The following RAB40C variants were observed in gnomAD, a reference collection of about 807,000 sequenced individuals.
RAB40C encodes the protein ras-related protein Rab-40C.
In RAB40C, 8 loss-of-function variants were observed where a neutral mutation model predicts 28.1. The observed-to-expected ratio is 0.28, with a 90% CI of 0.17 to 0.51. The LOEUF is 0.51. RAB40C is among the 20% of genes least tolerant of loss of function. RAB40C has a pLI of 0.97. For missense variants in RAB40C, 288 were observed against 405.9 expected, an observed-to-expected ratio of 0.71 and a Z score of 2.50; for synonymous variants, 201 against 171.7, an observed-to-expected ratio of 1.17 and a Z score of -1.34.
In RAB40C at chr16:600,554, C is replaced by G. The variant is rs79590716; in HGVS notation, c.142+10121C>G. On this transcript the variant is annotated intron_variant, in intron 1 of 5. Coordinates refer to ENST00000248139, the MANE Select transcript of RAB40C (RefSeq NM_021168.5). The stretch of plus-strand genomic sequence containing the variant: ...GATCACAAGGTCAAGAGATCAAGAC[C>G]GTTCTGACCAACATGGTGAAACCCC... Among the ~76,000 whole-genome samples, 986 of 152,280 alleles carry G rather than the reference C, an allele frequency of 6.5e-3. 12 individuals carry two copies. The highest frequency in any genetic ancestry group is 0.023 in the African/African-American group (946 of 41,554).
chr16:595,134 G>T (rs2036085499), intron 1 of RAB40C, among the ~76,000 whole-genome samples: 1 of 152,322 alleles, frequency 6.6e-6, no homozygotes, highest in South Asian at 2.1e-4. Flanking sequence ...GAGGTGCCGG[G>T]TTTTCCAGCA....
intron 1 of RAB40C, among the ~76,000 whole-genome samples, chr16:606,580 G>A (rs1236650012): frequency 6.6e-6 from 1 of 152,246 alleles, no homozygotes; most frequent in Admixed American, 6.5e-5. Context: ...CTTTTTGCAG[G>A]CCCTACAGGA....
At chr16:607,173 C>A (rs1272444904) in intron 1 of RAB40C, among the ~76,000 whole-genome samples, 1 of 152,196 alleles carries the variant, frequency 6.6e-6, no homozygotes, top group African/African-American at 2.4e-5. Flanking sequence ...CACGTCCACT[C>A]CCCAGACCAC....
intron 3 of RAB40C, among the ~76,000 whole-genome samples, chr16:623,012 C>T (rs1407204894): frequency 6.6e-6 from 1 of 152,096 alleles, no homozygotes; most frequent in Non-Finnish European, 1.5e-5. Context: ...TGACCCACGC[C>T]GGAGCAAGCC....
intron 1 of RAB40C, among the ~76,000 whole-genome samples, chr16:611,148 A>C (rs2036474743): frequency 6.6e-6 from 1 of 152,158 alleles, no homozygotes; most frequent in Non-Finnish European, 1.5e-5. Context: ...CCTCTGATTC[A>C]AGAGCAAGGT....
intron 3 of RAB40C, among the ~76,000 whole-genome samples, chr16:619,024 G>T (rs1237522953): frequency 8.9e-6 from 1 of 112,778 alleles, no homozygotes; most frequent in Non-Finnish European, 1.8e-5. Flanking sequence ...GTGTGTGCAG[G>T]TGTGGTGTAC....
In RAB40C at chr16:591,744, A is replaced by T. The variant is rs138501561; in HGVS notation, c.142+1311A>T. On this transcript the variant is annotated intron_variant, in intron 1 of 5. Transcript: ENST00000248139. ...GTAGCTGGGACTACAGGTGTATGCC[A>T]CCACGCCCGGCTAATTTTGTTGTGT... Among the ~76,000 whole-genome samples, 667 of 152,026 alleles carry T rather than the reference A, an allele frequency of 4.4e-3. 2 individuals are homozygous for T. The highest frequency in any genetic ancestry group is 0.015 in the African/African-American group (629 of 41,474).
At chr16:618,310 G>T (rs372760746) in intron 3 of RAB40C, 50 bp downstream of exon 3, 3 of 1,523,796 alleles carry the variant, frequency 2.0e-6, no homozygotes, top group Non-Finnish European at 1.8e-6. Context: ...TGTTTCTCCT[G>T]ATTCTTTCTG....
chr16:620,107 G>A (rs955084843), intron 3 of RAB40C, among the ~76,000 whole-genome samples: 3 of 152,208 alleles, frequency 2.0e-5, no homozygotes, highest in Admixed American at 2.0e-4. Context: ...ATTGAAAGAG[G>A]AGTTGGGGCT....
In RAB40C at chr16:590,716, G is replaced by A. The variant is rs987731910; in HGVS notation, c.142+283G>A. Among the ~76,000 whole-genome samples the A allele has an allele frequency of 2.0e-4, 31 of 152,170 alleles. No homozygotes were observed. The East Asian group carries it at 6.0e-3, about 29-fold the overall frequency. ...GGTGTCACGGGTCCGGGATCTCAGGGGAAGGTGTCATGGGTCCGGGATCTG... is the reference window on the plus strand; with the variant it reads ...GGTGTCACGGGTCCGGGATCTCAGGAGAAGGTGTCATGGGTCCGGGATCTG... On this transcript the variant is annotated intron_variant, in intron 1 of 5. Transcript: ENST00000248139.
rs2036468614 is a variant in RAB40C, at chr16:610,855, T to G, written c.143-6353T>G. On this transcript the variant is annotated intron_variant, in intron 1 of 5. Coordinates refer to ENST00000248139, the MANE Select transcript of RAB40C (RefSeq NM_021168.5). The surrounding 1 kb of genome is among the most constrained non-coding windows in gnomAD (Gnocchi z 4.6). ...ACCTGTCCCTCTGAGAGTCCAGACC[T>G]TTTCCAGAGTGACATCCTGGGGCCC... Among the ~76,000 whole-genome samples the G allele has an allele frequency of 6.6e-6, 1 of 151,834 alleles. No homozygotes were observed. Among genetic ancestry groups the G allele is most frequent in the Admixed American group, 6.6e-5 (1 of 15,244 alleles).
rs1179468737 is a variant in RAB40C, at chr16:610,752, C to T, written c.143-6456C>T. ...CTCCCTCTACCCCGCCCTGCCCCAC[C>T]CCGTCACCTGCTTGCCCTGACCCTG... On this transcript the variant is annotated intron_variant, in intron 1 of 5. Transcript: ENST00000248139. This position sits in a 1 kb window ranked among gnomAD's most constrained non-coding sequence, Gnocchi z 4.6. Among the ~76,000 whole-genome samples, 2 of 151,812 alleles carry T rather than the reference C, an allele frequency of 1.3e-5. No homozygotes were observed. The highest frequency in any genetic ancestry group is 4.8e-5 in the African/African-American group (2 of 41,318).
intron 3 of RAB40C, among the ~76,000 whole-genome samples, chr16:621,125 T>C (rs2036707448): frequency 1.3e-5 from 2 of 152,224 alleles, no homozygotes; most frequent in South Asian, 4.1e-4. Context: ...CAGACCCAGG[T>C]GCACATGTTG....
At chr16:600,269 G>A (rs887384909) in intron 1 of RAB40C, among the ~76,000 whole-genome samples, 1 of 152,256 alleles carries the variant, frequency 6.6e-6, no homozygotes, top group African/African-American at 2.4e-5. Flanking sequence ...TCTCTCTGAA[G>A]AGCCTGTGTC....
At chr16:596,503 G>C (rs11861544) in intron 1 of RAB40C, 77 of 340,072 alleles carry the variant, frequency 2.3e-4, no homozygotes, top group African/African-American at 1.6e-3. Context: ...ACGTCAGCCA[G>C]GGTGTCATCC....
At chr16:615,921 C>T (rs1282435868) in intron 1 of RAB40C, among the ~76,000 whole-genome samples, 1 of 151,792 alleles carries the variant, frequency 6.6e-6, no homozygotes, top group Non-Finnish European at 1.5e-5. Context: ...GAGATTGTGG[C>T]ACTGCACTGC....
chr16:626,070 C>T lies in RAB40C; in HGVS notation c.514C>T (p.Arg172Cys), dbSNP rs1486990388. Residue 172 changes from arginine (R) to cysteine (C), a missense_variant, in exon 5 of 6, where the codon CGC becomes TGC. By Grantham distance (180) the Arg-to-Cys change is radical. This residue lies in a region of RAB40C where 153 missense variants were observed against 262.4 expected (regional missense o/e 0.58). Coordinates refer to ENST00000248139, the MANE Select transcript of RAB40C (RefSeq NM_021168.5). ...NVIESFTELS[R>C]IVLMRHGMEK... ...CATCGAGTCCTTCACGGAGCTATCCCGCATCGTGCTCATGCGGCACGGCAT... is the reference window on the plus strand; with the variant it reads ...CATCGAGTCCTTCACGGAGCTATCCTGCATCGTGCTCATGCGGCACGGCAT... 1.2e-6 allele frequency: 2 copies of T among 1,613,208 alleles called. No individual in the cohort carries two copies. The highest frequency in any genetic ancestry group is 1.7e-6 in the Non-Finnish European group (2 of 1,179,988).
chr16:611,193 TG>T (rs2036475930), intron 1 of RAB40C, among the ~76,000 whole-genome samples: 4 of 152,262 alleles, frequency 2.6e-5, no homozygotes, highest in African/African-American at 9.6e-5. Context: ...GTGGGTGACG[TG>T]GTCCCCAGGC....
intron 1 of RAB40C, among the ~76,000 whole-genome samples, chr16:592,345 C>T (rs2036018499): frequency 1.3e-5 from 2 of 152,172 alleles, no homozygotes; most frequent in East Asian, 1.9e-4. Context: ...AGGCTGAGCG[C>T]GCTTCCTCCT....
Sources: allele counts gnomAD v4.1 joint callset (sites outside exome capture counted in the v4.1 genomes callset), GRCh38; gene constraint gnomAD v4.1.1; regional missense constraint gnomAD v4.1.1; non-coding constraint Gnocchi (gnomAD v3.1); transcripts MANE v1.5; gene names NCBI Gene and HGNC (gene_info 2026-07-23, HGNC 2026-07-21).